Variants in TRDN observed in about 807,000 individuals in gnomAD.
The protein encoded by TRDN is triadin.
A neutral mutation model predicts 149.7 loss-of-function variants in TRDN; 161 were observed. The ratio of observed to expected loss-of-function variants is 1.08; its 90% CI spans 0.95 to 1.23. The LOEUF is 1.23. Among genes scored for constraint, TRDN ranks in the 50% most tolerant of loss-of-function variants. TRDN has a pLI of 0.00. For synonymous variants in TRDN, 294 were observed against 250.5 expected, an observed-to-expected ratio of 1.17 and a Z score of -1.64; for missense variants, 896 against 823.5, an observed-to-expected ratio of 1.09 and a Z score of -1.08.
chr6:123,530,470 TC>T (rs754663515), intron 5 of TRDN, 35 bp downstream of exon 5: 1 of 1,160,694 alleles, frequency 8.6e-7, no homozygotes, highest in Non-Finnish European at 1.1e-6. Context: ...AAAATGTATA[TC>T]TAAATGAAGA....
intron 2 of TRDN, among the ~76,000 whole-genome samples, chr6:123,554,371 A>T (rs1003712820): frequency 8.5e-5 from 13 of 152,206 alleles, no homozygotes; most frequent in African/African-American, 2.7e-4. Flanking sequence ...TATAATTGAT[A>T]TCTAGGTGGT....
chr6:123,621,127 A>AT (rs1785360717), intron 1 of TRDN, among the ~76,000 whole-genome samples: 1 of 152,104 alleles, frequency 6.6e-6, no homozygotes, highest in African/African-American at 2.4e-5. Flanking sequence ...CTCACTCTAC[A>AT]TGTCAATTTT....
chr6:123,345,281 T>C (rs561432402), intron 21 of TRDN, among the ~76,000 whole-genome samples: 21 of 152,088 alleles, frequency 1.4e-4, no homozygotes, highest in Middle Eastern at 3.4e-3. Flanking sequence ...TTTATGGATG[T>C]CCAGTTGTTG....
At chr6:123,298,919 A>C (rs1256799139) in intron 24 of TRDN, among the ~76,000 whole-genome samples, 1 of 152,038 alleles carries the variant, frequency 6.6e-6, no homozygotes, top group Non-Finnish European at 1.5e-5. Context: ...TATATATGAG[A>C]TTTATCATTA....
At chr6:123,343,020 A>G (rs775438669) in intron 21 of TRDN, among the ~76,000 whole-genome samples, 1 of 152,104 alleles carries the variant, frequency 6.6e-6, no homozygotes, top group Non-Finnish European at 1.5e-5. Context: ...CCTGATCATC[A>G]TTATAAACAT....
At chr6:123,579,018 GAA>G (rs2114570417) in intron 1 of TRDN, among the ~76,000 whole-genome samples, 1 of 152,260 alleles carries the variant, frequency 6.6e-6, no homozygotes, top group Non-Finnish European at 1.5e-5. Context: ...ACATTTTGCT[GAA>G]GTTGTTTATC....
intron 9 of TRDN, chr6:123,470,318 CT>C (rs1777083673): frequency 6.6e-6 from 1 of 152,098 alleles, no homozygotes; most frequent in Non-Finnish European, 1.5e-5. Flanking sequence ...CAATTATCAC[CT>C]AACTTAGGTC....
chr6:123,391,869 T>C (rs549690308), intron 13 of TRDN, among the ~76,000 whole-genome samples: 2 of 152,188 alleles, frequency 1.3e-5, no homozygotes, highest in South Asian at 2.1e-4. Flanking sequence ...ATTTTAAGTT[T>C]TGTCTCCACG....
chr6:123,233,286 CTAT>C (rs1321508735), intron 38 of TRDN, among the ~76,000 whole-genome samples: 3 of 152,002 alleles, frequency 2.0e-5, no homozygotes, highest in African/African-American at 7.2e-5. Context: ...TCAATATGTG[CTAT>C]TATTTAAAGT....
At chr6:123,631,858 G>A (rs1786023922) in intron 1 of TRDN, among the ~76,000 whole-genome samples, 1 of 151,474 alleles carries the variant, frequency 6.6e-6, no homozygotes, top group Non-Finnish European at 1.5e-5. Flanking sequence ...TTTCTTCTTG[G>A]GCATATTATT....
At position 123,259,666 on chromosome 6, in the gene TRDN, G is replaced by T. The variant is rs539547575; in HGVS notation, c.1832-4C>A. On this transcript the variant is annotated splice_polypyrimidine_tract_variant and splice_region_variant and intron_variant, in intron 34 of 40. Transcript: ENST00000334268. ...GATATTTCAGTTTTCTTCTTTCCTA[G>T]GGGAAAGAAAAACAACAAGAAACCA... The T allele has an allele frequency of 6.0e-5, 87 of 1,457,974 alleles. No individual in the cohort carries two copies. In the Middle Eastern group the frequency reaches 7.2e-4, roughly 12 times the overall value. 90.3% of individuals were successfully genotyped at this position (1,457,974 alleles called of 1,614,324 possible).
At chr6:123,624,430 T>G (rs1785548455) in intron 1 of TRDN, among the ~76,000 whole-genome samples, 1 of 152,124 alleles carries the variant, frequency 6.6e-6, no homozygotes, top group African/African-American at 2.4e-5. Flanking sequence ...CTGTCAGAAC[T>G]ATTATTTCTA....
intron 12 of TRDN, among the ~76,000 whole-genome samples, chr6:123,436,392 A>G (rs974984636): frequency 6.6e-6 from 1 of 152,178 alleles, no homozygotes; most frequent in African/African-American, 2.4e-5. Flanking sequence ...AGGAATGGGC[A>G]ATCAACTCTT....
intron 2 of TRDN, among the ~76,000 whole-genome samples, chr6:123,553,822 C>T (rs982307944): frequency 6.6e-6 from 1 of 152,150 alleles, no homozygotes; most frequent in Non-Finnish European, 1.5e-5. Context: ...TCAATTATCT[C>T]CCACTGGGGC....
intron 24 of TRDN, among the ~76,000 whole-genome samples, chr6:123,302,871 G>C (rs1372052491): frequency 3.9e-5 from 6 of 152,112 alleles, no homozygotes; most frequent in Non-Finnish European, 8.8e-5. Flanking sequence ...GCAGCTAGGT[G>C]ATGCTGATGT....
chr6:123,279,051 CAT>C lies in TRDN; in HGVS notation c.1537+3_1537+4del. ...GTTTGTTTATTGAGCATGCATATAACATACGTGGAGGTTTAGGCTTGACTTCT... is the reference window on the plus strand; with the variant it reads ...GTTTGTTTATTGAGCATGCATATAACACGTGGAGGTTTAGGCTTGACTTCT... On this transcript the variant is annotated splice_donor_region_variant and intron_variant, in intron 25 of 40. Coordinates refer to ENST00000334268, the MANE Select transcript of TRDN (RefSeq NM_006073.4). The C allele has an allele frequency of 6.2e-7, 1 of 1,608,064 alleles. No homozygotes were observed.
intron 2 of TRDN, among the ~76,000 whole-genome samples, chr6:123,569,710 G>A (rs2114532607): frequency 6.6e-6 from 1 of 152,190 alleles, no homozygotes; most frequent in South Asian, 2.1e-4. Context: ...AGAAGAGGGA[G>A]AGAGTGGAGC....
In TRDN at chr6:123,588,485, C is replaced by A. The variant is rs915693255; in HGVS notation, c.23-17353G>T. Among the ~76,000 whole-genome samples, 6 of 152,124 alleles carry A rather than the reference C, an allele frequency of 3.9e-5. No individual in the cohort carries two copies. In the South Asian group the frequency reaches 1.0e-3, roughly 26 times the overall value. ...CAGGTTTACTTTGGAGTTCCCTGGGCAGAGAGGAAGGAGCCATTCAGTAAG... is the reference window on the plus strand; with the variant it reads ...CAGGTTTACTTTGGAGTTCCCTGGGAAGAGAGGAAGGAGCCATTCAGTAAG... On this transcript the variant is annotated intron_variant, in intron 1 of 40. Coordinates refer to ENST00000334268, the MANE Select transcript of TRDN (RefSeq NM_006073.4).
At chr6:123,230,599 G>A (rs1338562887) in intron 38 of TRDN, among the ~76,000 whole-genome samples, 1 of 151,254 alleles carries the variant, frequency 6.6e-6, no homozygotes, top group Non-Finnish European at 1.5e-5. Context: ...TTGGATAATT[G>A]GAATATATTC....
Sources: allele counts gnomAD v4.1 joint callset (sites outside exome capture counted in the v4.1 genomes callset), GRCh38; gene constraint gnomAD v4.1.1; transcripts MANE v1.5; gene names NCBI Gene and HGNC (gene_info 2026-07-23, HGNC 2026-07-21).